FAM135A: variants seen among roughly 807,000 people sequenced by gnomAD.
The protein encoded by FAM135A is protein FAM135A.
A neutral mutation model predicts 146.8 loss-of-function variants in FAM135A; 79 were observed. That is an observed-to-expected ratio of 0.54 (90% CI 0.45 to 0.65). The LOEUF (loss-of-function observed/expected upper bound fraction) is 0.65, where lower values mean the gene tolerates loss of function less well. Ranked by LOEUF, FAM135A falls within the 30% of genes least tolerant of loss-of-function variation. The pLI is 0.00. For missense variants in FAM135A, 1,623 were observed against 1,758.2 expected, an observed-to-expected ratio of 0.92 and a Z score of 1.38; for synonymous variants, 562 against 603.6, an observed-to-expected ratio of 0.93 and a Z score of 1.01.
rs763955072 is a variant in FAM135A, at chr6:70,481,044, T to G, written c.669+17T>G. ...TCACCAGATGTAAGAACTGAATATG[T>G]TTATAAATCTTCTCCTTATTTTAAA... On this transcript the variant is annotated intron_variant, in intron 9 of 21. Coordinates refer to ENST00000418814, the MANE Select transcript of FAM135A (RefSeq NM_001162529.3). 2.9e-5 allele frequency: 44 copies of G among 1,542,886 alleles called. No homozygotes were observed. Among genetic ancestry groups the G allele is most frequent in the Non-Finnish European group, 3.8e-5 (44 of 1,146,714 alleles).
chr6:70,442,590 G>T (rs1200745078), intron 4 of FAM135A, among the ~76,000 whole-genome samples: 1 of 151,552 alleles, frequency 6.6e-6, no homozygotes, highest in Non-Finnish European at 1.5e-5. Context: ...TAAATATATA[G>T]TCATACCCTT....
In FAM135A at chr6:70,525,430, T is replaced by C; in HGVS notation, c.2346T>C (p.His782=). Residue 782 remains histidine, a synonymous_variant, in exon 15 of 22, where the codon CAT becomes CAC. Transcript: ENST00000418814. ...VESEPSSFAT[H]PNTDLVFETV... ...GTGAACCGAGTTCTTTTGCGACACA[T>C]CCAAACACTGATTTAGTCTTTGAAA... 2.5e-6 allele frequency: 4 copies of C among 1,613,736 alleles called. No homozygotes were observed. The highest frequency in any genetic ancestry group is 3.4e-6 in the Non-Finnish European group (4 of 1,179,696).
In FAM135A at chr6:70,516,871, T is replaced by C. The variant is rs555618701; in HGVS notation, c.1030-5642T>C. On this transcript the variant is annotated intron_variant, in intron 12 of 21. Coordinates refer to ENST00000418814, the MANE Select transcript of FAM135A (RefSeq NM_001162529.3). ...TTTTCAACAGTATTGATGGAACTTATATTCTAGTAGAGGGGAAAAGTTAGG... is the reference window on the plus strand; with the variant it reads ...TTTTCAACAGTATTGATGGAACTTACATTCTAGTAGAGGGGAAAAGTTAGG... Among the ~76,000 whole-genome samples the C allele has an allele frequency of 1.1e-3, 171 of 152,294 alleles. 2 individuals are homozygous for C. Among genetic ancestry groups the C allele is most frequent in the Non-Finnish European group, 2.1e-3 (142 of 68,014 alleles).
chr6:70,554,989 T>C (rs1440461863), intron 20 of FAM135A, among the ~76,000 whole-genome samples: 1 of 152,220 alleles, frequency 6.6e-6, no homozygotes, highest in Non-Finnish European at 1.5e-5. Context: ...ATTTAGCTCA[T>C]TCAATTTATA....
intron 5 of FAM135A, among the ~76,000 whole-genome samples, chr6:70,473,124 T>A (rs546511411): frequency 6.6e-6 from 1 of 152,242 alleles, no homozygotes; most frequent in African/African-American, 2.4e-5. Flanking sequence ...TATTTTGATG[T>A]TCACTTTGTC....
chr6:70,482,572 A>C (rs1241210436), intron 10 of FAM135A, among the ~76,000 whole-genome samples: 4 of 152,158 alleles, frequency 2.6e-5, no homozygotes, highest in Non-Finnish European at 5.9e-5. Context: ...TATAATAGTT[A>C]TCTCAGATCT....
chr6:70,524,235 T>G, intron 14 of FAM135A, 108 bp from the exon 15 acceptor site: 1 of 1,386,198 alleles, frequency 7.2e-7, no homozygotes. Context: ...CTCTCTAGTT[T>G]TATTTATGTT....
At chr6:70,476,293 T>C (rs1011878488) in intron 7 of FAM135A, among the ~76,000 whole-genome samples, 3 of 152,190 alleles carry the variant, frequency 2.0e-5, no homozygotes, top group African/African-American at 4.8e-5. Flanking sequence ...AGAGATTCAC[T>C]TAACAATTGT....
chr6:70,438,894 T>A (rs1454130898), intron 4 of FAM135A, among the ~76,000 whole-genome samples: 5 of 152,166 alleles, frequency 3.3e-5, no homozygotes, highest in Admixed American at 2.0e-4. Context: ...AGTGGGCTTA[T>A]GCCTGTAATC....
chr6:70,538,616 G>C (rs549572517), intron 20 of FAM135A, among the ~76,000 whole-genome samples: 2 of 151,678 alleles, frequency 1.3e-5, no homozygotes. Context: ...TTTCTCTTTT[G>C]TGAGCTACAC....
chr6:70,417,239 A>C (rs961249706), intron 2 of FAM135A, among the ~76,000 whole-genome samples: 6 of 151,950 alleles, frequency 3.9e-5, no homozygotes, highest in African/African-American at 7.3e-5. Context: ...TGTTATAAAT[A>C]TATTGATAAT....
chr6:70,487,978 C>T (rs189968602), intron 10 of FAM135A, among the ~76,000 whole-genome samples: 140 of 152,024 alleles, frequency 9.2e-4, no homozygotes, highest in African/African-American at 3.1e-3. Context: ...ATTGTATTGC[C>T]GTTGTCTGAG....
chr6:70,420,029 A>C (rs1768461266), intron 2 of FAM135A, among the ~76,000 whole-genome samples: 1 of 152,162 alleles, frequency 6.6e-6, no homozygotes, highest in African/African-American at 2.4e-5. Flanking sequence ...GGGCATCATT[A>C]TTCAGACTAT....
chr6:70,419,956 A>C (rs1768438232), intron 2 of FAM135A, among the ~76,000 whole-genome samples: 1 of 152,174 alleles, frequency 6.6e-6, no homozygotes, highest in Non-Finnish European at 1.5e-5. Context: ...CATGAGGCCT[A>C]AGGGATTTTT....
chr6:70,464,712 G>A (rs1780092416), intron 5 of FAM135A, among the ~76,000 whole-genome samples: 1 of 132,002 alleles, frequency 7.6e-6, no homozygotes. Flanking sequence ...CACTCAGGCC[G>A]AAGTGGTGCA....
chr6:70,475,069 G>A (rs890889541), intron 5 of FAM135A, among the ~76,000 whole-genome samples: 5 of 152,060 alleles, frequency 3.3e-5, no homozygotes, highest in Admixed American at 3.3e-4. Context: ...CAGTACAAAG[G>A]CCAACCAAAT....
chr6:70,448,987 A>G (rs189960834), intron 4 of FAM135A, among the ~76,000 whole-genome samples: 6 of 152,242 alleles, frequency 3.9e-5, no homozygotes, highest in South Asian at 2.1e-4. Context: ...TGCTGCAGAG[A>G]TTTTGTTAAT....
At chr6:70,417,136 G>A (rs968944707) in intron 2 of FAM135A, among the ~76,000 whole-genome samples, 4 of 151,778 alleles carry the variant, frequency 2.6e-5, no homozygotes, top group Admixed American at 2.6e-4. Context: ...TCTCTCAACC[G>A]AGAAACCATT....
At chr6:70,492,832 A>T (rs553376167) in intron 11 of FAM135A, among the ~76,000 whole-genome samples, 12 of 151,986 alleles carry the variant, frequency 7.9e-5, no homozygotes, top group African/African-American at 2.9e-4. Context: ...ACTGAGCTTC[A>T]TTTTTTGTAA....
Sources: gnomAD v4.1 joint callset for allele counts (sites outside exome capture counted in the v4.1 genomes callset) on GRCh38, gnomAD v4.1.1 for gene constraint, MANE v1.5 for transcripts, NCBI Gene and HGNC (gene_info 2026-07-23, HGNC 2026-07-21) for gene names.